The following EFCAB11 variants were observed in gnomAD, a reference collection of about 807,000 sequenced individuals.
The protein encoded by EFCAB11 is EF-hand calcium-binding domain-containing protein 11.
A neutral mutation model predicts 23.0 loss-of-function variants in EFCAB11; 14 were observed. That is an observed-to-expected ratio of 0.61 (90% confidence interval 0.40 to 0.95). The LOEUF (loss-of-function observed/expected upper bound fraction) is 0.95, where lower values mean the gene tolerates loss of function less well. Among genes scored for constraint, EFCAB11 ranks in the 40% least tolerant of loss-of-function variants. The pLI is 0.00. For missense variants in EFCAB11, 198 were observed against 195.8 expected, an observed-to-expected ratio of 1.01 and a Z score of -0.07; for synonymous variants, 65 against 66.6, an observed-to-expected ratio of 0.98 and a Z score of 0.11.
chr14:89,954,398 T>C, intron 1 of EFCAB11, 188 bp downstream of exon 1: 2 of 1,536,262 alleles, frequency 1.3e-6, no homozygotes, highest in Non-Finnish European at 8.7e-7. Flanking sequence ...AACTTGGAGG[T>C]AGCCGTAGTC....
rs150114595 is a variant in EFCAB11, at chr14:89,808,212, A to G, written c.411-10888T>C. On this transcript the variant is annotated intron_variant, in intron 5 of 5. Coordinates refer to ENST00000316738, the MANE Select transcript of EFCAB11 (RefSeq NM_145231.4). ...TAATAATATAATGATATAGGAACGA[A>G]GACTAGCCATTGCTCCATCTAATTA... Among the ~76,000 whole-genome samples, 205 of 152,306 alleles carry G rather than the reference A, an allele frequency of 1.3e-3. 1 individual carries two copies. Among genetic ancestry groups the G allele is most frequent in the East Asian group, 7.7e-3 (40 of 5,188 alleles).
At chr14:89,935,245 T>C (rs1182801725) in intron 3 of EFCAB11, among the ~76,000 whole-genome samples, 2 of 152,140 alleles carry the variant, frequency 1.3e-5, no homozygotes, top group African/African-American at 2.4e-5. Context: ...AAGCAGTGTA[T>C]AGTGTTCTCA....
intron 5 of EFCAB11, among the ~76,000 whole-genome samples, chr14:89,835,089 A>G (rs1233448466): frequency 1.3e-5 from 2 of 151,960 alleles, no homozygotes; most frequent in African/African-American, 4.9e-5. Context: ...TTGGAGATAT[A>G]GGAGGCAAGG....
chr14:89,919,461 T>C (rs748232434), intron 5 of EFCAB11, among the ~76,000 whole-genome samples: 17 of 152,118 alleles, frequency 1.1e-4, no homozygotes, highest in Non-Finnish European at 1.0e-4. Flanking sequence ...TTGGGCTTAA[T>C]GGTAGCTAAG....
chr14:89,880,291 G>A (rs10141459), intron 5 of EFCAB11, among the ~76,000 whole-genome samples: 2,945 of 152,196 alleles, frequency 0.019, 123 homozygotes, highest in African/African-American at 0.067. Context: ...CATGAACCAG[G>A]GAACAGGCCC....
At chr14:89,808,300 C>T (rs1190704028) in intron 5 of EFCAB11, among the ~76,000 whole-genome samples, 1 of 152,258 alleles carries the variant, frequency 6.6e-6, no homozygotes, top group East Asian at 1.9e-4. Flanking sequence ...TGTGACATGG[C>T]CAGATCCTGA....
chr14:89,804,740 C>T (rs1111762), intron 5 of EFCAB11, among the ~76,000 whole-genome samples: 124,042 of 152,114 alleles, frequency 0.82, 51,126 homozygotes, highest in Middle Eastern at 0.88. Flanking sequence ...TATTCCTCTA[C>T]TTGCAAAATG....
At chr14:89,809,223 A>G (rs1455020102) in intron 5 of EFCAB11, among the ~76,000 whole-genome samples, 3 of 152,210 alleles carry the variant, frequency 2.0e-5, no homozygotes, top group African/African-American at 7.2e-5. Flanking sequence ...GGAGGCAAAG[A>G]GTCCTCAGAG....
rs184171919 is a variant in EFCAB11 at position 89,883,101 on chromosome 14, C to T, written c.410+48440G>A. 1.2e-4 allele frequency among the ~76,000 whole-genome samples: 19 copies of T among 152,262 alleles called. No homozygotes were observed. The East Asian group carries it at 2.1e-3, about 17-fold the overall frequency. On this transcript the variant is annotated intron_variant, in intron 5 of 5. Coordinates refer to ENST00000316738, the MANE Select transcript of EFCAB11 (RefSeq NM_145231.4). ...ATCTGAGGCCTCACCAGATGCAAAACGCCCAATCTTGAACTCTCCAGCCAT... is the reference window on the plus strand; with the variant it reads ...ATCTGAGGCCTCACCAGATGCAAAATGCCCAATCTTGAACTCTCCAGCCAT...
chr14:89,901,729 T>C (rs1353964841), intron 5 of EFCAB11, among the ~76,000 whole-genome samples: 2 of 152,094 alleles, frequency 1.3e-5, no homozygotes, highest in Admixed American at 1.3e-4. Flanking sequence ...ATACACAACA[T>C]GGTGTGAAAT....
chr14:89,920,937 C>A lies in EFCAB11; in HGVS notation c.410+10604G>T, dbSNP rs768495350. Among the ~76,000 whole-genome samples the A allele has an allele frequency of 2.0e-5, 3 of 151,844 alleles. No individual in the cohort carries two copies. In the South Asian group the frequency reaches 6.2e-4, roughly 32 times the overall value. On this transcript the variant is annotated intron_variant, in intron 5 of 5. Transcript: ENST00000316738. ...AAAATTAGCTGCGCATAGTGGTGGG[C>A]GCCTGTAATCCCAGCTACTTGGGAG... is the stretch of plus-strand genomic sequence containing the variant.
At chr14:89,946,551 C>T (rs1414155626) in intron 3 of EFCAB11, among the ~76,000 whole-genome samples, 2 of 151,672 alleles carry the variant, frequency 1.3e-5, no homozygotes, top group African/African-American at 4.8e-5. Flanking sequence ...ATTTTTTGTT[C>T]CCATTTTCTT....
At chr14:89,836,407 T>A (rs1370586592) in intron 5 of EFCAB11, 1 of 364,400 alleles carries the variant, frequency 2.7e-6, no homozygotes, top group Non-Finnish European at 5.4e-6. Context: ...TACACAGCCC[T>A]GAGGCTGCTT....
At chr14:89,803,936 G>A (rs1247418973) in intron 5 of EFCAB11, among the ~76,000 whole-genome samples, 2 of 152,166 alleles carry the variant, frequency 1.3e-5, no homozygotes, top group South Asian at 2.1e-4. Context: ...AAAGCCATTC[G>A]GATATACAGG....
chr14:89,802,139 G>A (rs1277635257), intron 5 of EFCAB11, among the ~76,000 whole-genome samples: 1 of 150,734 alleles, frequency 6.6e-6, no homozygotes, highest in Non-Finnish European at 1.5e-5. Context: ...AATTATTCAG[G>A]AGTACCCCAT....
chr14:89,810,005 A>G (rs1886099483), intron 5 of EFCAB11, among the ~76,000 whole-genome samples: 1 of 152,356 alleles, frequency 6.6e-6, no homozygotes, highest in South Asian at 2.1e-4. Context: ...AGCCTATGGT[A>G]CACACTATGG....
At chr14:89,931,793 G>A (rs150480762) in intron 4 of EFCAB11, among the ~76,000 whole-genome samples, 162 bp from the exon 5 acceptor site, 3 of 152,214 alleles carry the variant, frequency 2.0e-5, no homozygotes, top group Admixed American at 6.5e-5. Context: ...TTGTCTCATC[G>A]GAATAATTTA....
intron 3 of EFCAB11, chr14:89,937,881 CAGAT>C (rs995749339): frequency 1.3e-5 from 2 of 151,890 alleles, no homozygotes; most frequent in Non-Finnish European, 1.5e-5. Flanking sequence ...ATATCTATGA[CAGAT>C]ATATATATAG....
chr14:89,940,283 A>G (rs909711314), intron 3 of EFCAB11, among the ~76,000 whole-genome samples: 1 of 152,230 alleles, frequency 6.6e-6, no homozygotes, highest in Non-Finnish European at 1.5e-5. Flanking sequence ...TCTGAAATCA[A>G]CCAAAACCTT....
Sources: gnomAD v4.1 joint callset for allele counts (sites outside exome capture counted in the v4.1 genomes callset) on GRCh38, gnomAD v4.1.1 for gene constraint, MANE v1.5 for transcripts, NCBI Gene and HGNC (gene_info 2026-07-23, HGNC 2026-07-21) for gene names.